UNC13C: variants seen among roughly 807,000 people sequenced by gnomAD.
UNC13C encodes protein unc-13 homolog C.
In UNC13C, 174 loss-of-function variants were observed where a neutral mutation model predicts 245.4. That is an observed-to-expected ratio of 0.71 (90% confidence interval 0.63 to 0.80). UNC13C has a LOEUF of 0.80. Among genes scored for constraint, UNC13C ranks in the 30% least tolerant of loss-of-function variants. UNC13C has a pLI of 0.00. For synonymous variants in UNC13C, 992 were observed against 895.1 expected, an observed-to-expected ratio of 1.11 and a Z score of -1.93; for missense variants, 2,829 against 2,602.9, an observed-to-expected ratio of 1.09 and a Z score of -1.89.
chr15:54,115,662 T>C (rs2030189934), intron 2 of UNC13C, among the ~76,000 whole-genome samples: 1 of 152,134 alleles, frequency 6.6e-6, no homozygotes, highest in South Asian at 2.1e-4. Context: ...TGTATCTGCT[T>C]TCATTTGGTT....
At chr15:54,466,899 A>G (rs1027581563) in intron 19 of UNC13C, among the ~76,000 whole-genome samples, 1 of 151,912 alleles carries the variant, frequency 6.6e-6, no homozygotes, top group African/African-American at 2.4e-5. Context: ...AGCATCTTAA[A>G]ATATTATGAT....
intron 30 of UNC13C, among the ~76,000 whole-genome samples, chr15:54,580,050 T>C (rs941042611): frequency 1.3e-5 from 2 of 152,204 alleles, no homozygotes; most frequent in Non-Finnish European, 2.9e-5. Flanking sequence ...GTGGAAATAC[T>C]GACATGTCAG....
chr15:54,281,039 C>T (rs1240003551), intron 10 of UNC13C, among the ~76,000 whole-genome samples: 1 of 151,986 alleles, frequency 6.6e-6, no homozygotes, highest in Admixed American at 6.6e-5. Context: ...CTCAAGTGAT[C>T]CGCCTGCCTC....
rs192038263 is a variant in UNC13C, at chr15:54,264,432, T to C, written c.3676+37T>C. The C allele has an allele frequency of 8.5e-5, 127 of 1,486,440 alleles. 2 individuals are homozygous for C. In the African/African-American group the frequency reaches 1.4e-3, roughly 17 times the overall value. The allele number at this position is 1,486,440 out of a possible 1,614,324, so 92.1% of individuals were successfully genotyped here. A position where few individuals can be genotyped will look rare whatever the true frequency, so the allele number is the denominator to read the frequency against. ...TCTTCTTAAAAATTTGTATTGTAAA[T>C]TGAGATTTTTATGTGCCCTAGAAAT... On this transcript the variant is annotated intron_variant, in intron 9 of 32. Coordinates refer to ENST00000260323, the MANE Select transcript of UNC13C (RefSeq NM_001080534.3).
At chr15:54,496,764 T>G (rs1596476730) in intron 20 of UNC13C, among the ~76,000 whole-genome samples, 2 of 150,412 alleles carry the variant, frequency 1.3e-5, no homozygotes, top group South Asian at 4.2e-4. Context: ...GGAGCTGAGC[T>G]ATGAAGAAGC....
chr15:54,183,079 A>G (rs867172766), intron 4 of UNC13C, among the ~76,000 whole-genome samples: 2 of 152,158 alleles, frequency 1.3e-5, no homozygotes, highest in Middle Eastern at 6.8e-3. Flanking sequence ...GAAAAATAAA[A>G]TAACAAAATA....
chr15:53,886,469 C>T, the UNC13C span, among the ~76,000 whole-genome samples: 144 of 152,092 alleles, frequency 9.5e-4, 1 homozygote, highest in African/African-American at 3.4e-3. Context: ...GACCACAACC[C>T]CAAGTATGAA....
chr15:54,334,757 A>T (rs930856118), intron 16 of UNC13C, among the ~76,000 whole-genome samples: 1 of 152,152 alleles, frequency 6.6e-6, no homozygotes, highest in East Asian at 1.9e-4. Context: ...TACTGGAACA[A>T]TGTGCAGCTA....
chr15:54,332,945 G>A (rs572779494), intron 15 of UNC13C, among the ~76,000 whole-genome samples: 26 of 151,860 alleles, frequency 1.7e-4, no homozygotes, highest in Admixed American at 1.1e-3. Context: ...GTTATTTCAT[G>A]TTGGATCTGG....
chr15:53,973,657 A>T (rs1419612945), upstream of UNC13C, among the ~76,000 whole-genome samples: 1 of 152,094 alleles, frequency 6.6e-6, no homozygotes, highest in Non-Finnish European at 1.5e-5. Flanking sequence ...CTTTTAAAAA[A>T]TTTAGAACCT....
intron 10 of UNC13C, among the ~76,000 whole-genome samples, chr15:54,277,777 T>C (rs1165610878): frequency 1.3e-5 from 2 of 152,232 alleles, no homozygotes; most frequent in South Asian, 2.1e-4. Flanking sequence ...TTCAATTGCA[T>C]GTTCAATCAC....
At chr15:54,065,612 A>T (rs1380489785) in intron 2 of UNC13C, among the ~76,000 whole-genome samples, 1 of 152,198 alleles carries the variant, frequency 6.6e-6, no homozygotes, top group African/African-American at 2.4e-5. Flanking sequence ...GTAAGAATGC[A>T]AGATGCTGGG....
intron 11 of UNC13C, among the ~76,000 whole-genome samples, chr15:54,297,547 T>C (rs2140941874): frequency 6.6e-6 from 1 of 152,016 alleles, no homozygotes; most frequent in South Asian, 2.1e-4. Context: ...AGAGACTAGA[T>C]CTTGCTATGT....
intron 1 of UNC13C, among the ~76,000 whole-genome samples, chr15:54,010,111 T>A (rs919820120): frequency 3.9e-5 from 6 of 152,336 alleles, no homozygotes; most frequent in African/African-American, 1.4e-4. Context: ...TAAGGCCCAG[T>A]GCAGCCAGTT....
At chr15:53,867,404 C>T in the UNC13C span, among the ~76,000 whole-genome samples, 2 of 152,142 alleles carry the variant, frequency 1.3e-5, no homozygotes, top group African/African-American at 4.8e-5. Flanking sequence ...ATTACTTAAG[C>T]CCTTCTTAGG....
chr15:53,953,816 T>C, the UNC13C span, among the ~76,000 whole-genome samples: 1 of 152,250 alleles, frequency 6.6e-6, no homozygotes, highest in African/African-American at 2.4e-5. Context: ...TTAGGATTTA[T>C]AAGTTTCCAC....
At chr15:54,024,455 A>G (rs1232622972) in intron 2 of UNC13C, among the ~76,000 whole-genome samples, 2 of 152,160 alleles carry the variant, frequency 1.3e-5, no homozygotes, top group Non-Finnish European at 1.5e-5. Context: ...TGCAAGCAAA[A>G]TGTTTTGATG....
chr15:53,847,793 T>A, the UNC13C span, among the ~76,000 whole-genome samples: 1 of 152,122 alleles, frequency 6.6e-6, no homozygotes, highest in Non-Finnish European at 1.5e-5. Context: ...AGGTTAAACA[T>A]GCACCATTGT....
chr15:53,851,398 C>T, the UNC13C span, among the ~76,000 whole-genome samples: 1 of 152,156 alleles, frequency 6.6e-6, no homozygotes, highest in African/African-American at 2.4e-5. Context: ...ACTTTAGCCC[C>T]AGTTTTAATG....
Sources: gnomAD v4.1 joint callset for allele counts (sites outside exome capture counted in the v4.1 genomes callset) on GRCh38, gnomAD v4.1.1 for gene constraint, MANE v1.5 for transcripts, NCBI Gene and HGNC (gene_info 2026-07-23, HGNC 2026-07-21) for gene names.